Variants in PYROXD1 observed in about 807,000 individuals in gnomAD.
The protein encoded by PYROXD1 is pyridine nucleotide-disulphide oxidoreductase domain 1.
In PYROXD1, 42 loss-of-function variants were observed where a neutral mutation model predicts 62.0. The ratio of observed to expected loss-of-function variants is 0.68; its 90% confidence interval spans 0.53 to 0.88. The LOEUF (loss-of-function observed/expected upper bound fraction) is 0.88. Ranked by LOEUF, PYROXD1 falls within the 40% of genes least tolerant of loss-of-function variation. The pLI is 0.00. For synonymous variants in PYROXD1, 170 were observed against 206.4 expected, an observed-to-expected ratio of 0.82 and a Z score of 1.51; for missense variants, 493 against 604.8, an observed-to-expected ratio of 0.82 and a Z score of 1.94.
intron 2 of PYROXD1, among the ~76,000 whole-genome samples, chr12:21,444,425 A>G (rs187367157): frequency 4.1e-4 from 63 of 152,356 alleles, no homozygotes; most frequent in African/African-American, 1.4e-3. Flanking sequence ...AGGATGAGAT[A>G]TGAAGAGTGA....
At chr12:21,440,742 G>C (rs568542128) in intron 2 of PYROXD1, among the ~76,000 whole-genome samples, 15 of 152,194 alleles carry the variant, frequency 9.9e-5, no homozygotes, top group Admixed American at 5.2e-4. Context: ...TCCTTGTGTT[G>C]TTCTTGATCT....
chr12:21,465,463 A>G (rs1350383923), intron 10 of PYROXD1, among the ~76,000 whole-genome samples: 6 of 151,108 alleles, frequency 4.0e-5, no homozygotes, highest in East Asian at 1.9e-4. Context: ...CTGCATAAAT[A>G]TCTTCTTTTG....
intron 10 of PYROXD1, 28 bp from the exon 11 acceptor site, chr12:21,467,453 A>G: frequency 3.8e-6 from 6 of 1,572,570 alleles, no homozygotes; most frequent in Non-Finnish European, 5.2e-6. Context: ...GAAAAATGAC[A>G]TTGTGTAACA....
chr12:21,456,184 A>G, intron 7 of PYROXD1, 89 bp downstream of exon 7: 1 of 809,732 alleles, frequency 1.2e-6, no homozygotes, highest in Non-Finnish European at 2.0e-6. Flanking sequence ...ATATATAGTC[A>G]ACGAACTGTT....
rs1942850033 is a variant in PYROXD1 at position 21,468,660 on chromosome 12, C to T, written c.1409C>T (p.Thr470Ile). 2.5e-6 allele frequency: 4 copies of T among 1,612,466 alleles called. No homozygotes were observed. The highest frequency in any genetic ancestry group is 2.5e-6 in the Non-Finnish European group (3 of 1,179,168). ...VLIGETDLEE[T>I]FENLILNQMN... The stretch of plus-strand genomic sequence containing the variant: ...ATTGGTGAAACCGATTTAGAAGAAA[C>T]ATTTGAAAACCTAATCTTAAACCAA... The change falls in exon 12 of 12, where the codon ACA (threonine) becomes ATA (isoleucine). Residue 470 changes from threonine to isoleucine, a missense_variant. By Grantham distance (89) the Thr-to-Ile change is moderately conservative. Around this residue, in one of 2 missense-constraint regions of PYROXD1, gnomAD observed 329 missense variants for 446.6 expected, o/e 0.74. Coordinates refer to ENST00000240651, the MANE Select transcript of PYROXD1 (RefSeq NM_024854.5).
chr12:21,457,623 C>A (rs1942622015), intron 7 of PYROXD1, among the ~76,000 whole-genome samples: 1 of 151,950 alleles, frequency 6.6e-6, no homozygotes. Context: ...GGAAGCATGA[C>A]TGGGGAGGCC....
intron 10 of PYROXD1, among the ~76,000 whole-genome samples, chr12:21,466,895 CT>C (rs1408685722): frequency 1.3e-5 from 2 of 151,922 alleles, no homozygotes; most frequent in African/African-American, 4.8e-5. Context: ...AGGCCGTGTT[CT>C]TTTATACCAG....
Position 21,445,571 on chromosome 12 carries a change from T to TA in PYROXD1, c.285+107dup, listed in dbSNP as rs1333110415. The stretch of plus-strand genomic sequence containing the variant: ...CTACTACCACCACCATTTAAGTTTT[T>TA]AACATGTAAAGTTTAGTGACATTGA... On this transcript the variant is annotated intron_variant, in intron 3 of 11. Coordinates refer to ENST00000240651, the MANE Select transcript of PYROXD1 (RefSeq NM_024854.5). The TA allele has an allele frequency of 4.3e-6, 5 of 1,160,958 alleles. No homozygotes were observed. The African/African-American group carries it at 6.2e-5, about 15-fold the overall frequency. The allele number at this position is 1,160,958 out of a possible 1,614,324, so 71.9% of individuals were successfully genotyped here.
In PYROXD1 at chr12:21,450,939, A is replaced by C. The variant is rs78924426; in HGVS notation, c.415-1142A>C. Among the ~76,000 whole-genome samples the C allele has an allele frequency of 3.4e-4, 52 of 152,340 alleles. No homozygotes were observed. In the East Asian group the frequency reaches 8.9e-3, roughly 26 times the overall value. ...ATTAAGTATGTATCTATACTAATTT[A>C]GCTGTTAAGTCTATCAGATACACAA... On this transcript the variant is annotated intron_variant, in intron 4 of 11. Coordinates refer to ENST00000240651, the MANE Select transcript of PYROXD1 (RefSeq NM_024854.5).
At chr12:21,464,707 T>C (rs1942759208) in intron 10 of PYROXD1, among the ~76,000 whole-genome samples, 1 of 137,808 alleles carries the variant, frequency 7.3e-6, no homozygotes, top group Non-Finnish European at 1.5e-5. Context: ...AAATCCACTG[T>C]GACTCCCAAG....
At chr12:21,467,746 C>A in intron 11 of PYROXD1, 128 bp downstream of exon 11, 1 of 729,646 alleles carries the variant, frequency 1.4e-6, no homozygotes, top group Non-Finnish European at 2.2e-6. Flanking sequence ...TGACATTTTT[C>A]ATTTCTTACA....
Position 21,470,534 on chromosome 12 carries a change from G to A in PYROXD1, c.*1780G>A, listed in dbSNP as rs3983527. 2 of 959,584 alleles carry A rather than the reference G, an allele frequency of 2.1e-6. No individual in the cohort carries two copies. The highest frequency in any genetic ancestry group is 3.7e-5 in the Admixed American group (1 of 27,142). The allele number at this position is 959,584 out of a possible 1,614,324, so 59.4% of individuals were successfully genotyped here. On this transcript the variant is annotated 3_prime_UTR_variant, in exon 12 of 12. Coordinates refer to ENST00000240651, the MANE Select transcript of PYROXD1 (RefSeq NM_024854.5). ...CTCTATTTTGAATAAAAGGGGCTAC[G>A]TTGTGAGAGAAGTTCTAAAGACCTC...
Position 21,467,553 on chromosome 12 carries a change from G to T in PYROXD1, c.1189G>T (p.Asp397Tyr). 1.2e-6 allele frequency: 2 copies of T among 1,612,180 alleles called. No homozygotes were observed. The highest frequency in any genetic ancestry group is 1.7e-4 in the Middle Eastern group (1 of 5,986). Residue 397 changes from aspartate to tyrosine, a missense_variant, in exon 11 of 12, where the codon GAC becomes TAC. Transcript: ENST00000240651. ...AKCMAAASSGDSIDMDFSFEL... is the reference protein window; with the variant it reads ...AKCMAAASSGYSIDMDFSFEL... ...GTGCATGGCTGCAGCGAGTTCAGGAGACTCTATTGACATGGATTTCAGCTT... is the reference window on the plus strand; with the variant it reads ...GTGCATGGCTGCAGCGAGTTCAGGATACTCTATTGACATGGATTTCAGCTT...
At chr12:21,462,540 G>A (rs1315168415) in intron 9 of PYROXD1, among the ~76,000 whole-genome samples, 200 bp from the exon 10 acceptor site, 1 of 151,910 alleles carries the variant, frequency 6.6e-6, no homozygotes, top group Non-Finnish European at 1.5e-5. Context: ...TTGAAATTCT[G>A]ACAGTTTTAT....
intron 10 of PYROXD1, among the ~76,000 whole-genome samples, chr12:21,465,731 A>C (rs1247007349): frequency 1.3e-5 from 2 of 152,046 alleles, no homozygotes; most frequent in African/African-American, 4.8e-5. Flanking sequence ...TTAGACATGA[A>C]GTCCTTGCCC....
intron 3 of PYROXD1, chr12:21,448,080 C>A: frequency 1.6e-6 from 1 of 607,660 alleles, no homozygotes; most frequent in Non-Finnish European, 3.2e-6. Context: ...CTGAGCTGGG[C>A]CACTCAACAT....
intron 7 of PYROXD1, among the ~76,000 whole-genome samples, chr12:21,459,053 C>A (rs1344827609): frequency 6.6e-6 from 1 of 152,184 alleles, no homozygotes; most frequent in Non-Finnish European, 1.5e-5. Flanking sequence ...AGTTTTCTGG[C>A]ACACAACTCC....
In PYROXD1 at chr12:21,470,390, T is replaced by C; in HGVS notation, c.*1636T>C. On this transcript the variant is annotated 3_prime_UTR_variant, in exon 12 of 12. Coordinates refer to ENST00000240651, the MANE Select transcript of PYROXD1 (RefSeq NM_024854.5). ...AACAAAGCAAGCACCTTGGTAAAAA[T>C]CCAGCTATTCAGTTTTCTCATGAGA... The C allele has an allele frequency of 6.7e-7, 1 of 1,489,496 alleles. No homozygotes were observed. The highest frequency in any genetic ancestry group is 8.9e-7 in the Non-Finnish European group (1 of 1,123,106). The allele number at this position is 1,489,496 out of a possible 1,614,324, so 92.3% of individuals were successfully genotyped here.
rs368417341 is a variant in PYROXD1, at chr12:21,437,790, C to T, written c.60C>T (p.Ile20=). The T allele has an allele frequency of 6.2e-7, 1 of 1,612,854 alleles. No homozygotes were observed. Among genetic ancestry groups the T allele is most frequent in the Non-Finnish European group, 8.5e-7 (1 of 1,179,678 alleles). ...AGTTCGTGGTGGTCGGCGGCGGCATCGCGGGCGTCACTTGTGCGGAGCAGG... is the reference window on the plus strand; with the variant it reads ...AGTTCGTGGTGGTCGGCGGCGGCATTGCGGGCGTCACTTGTGCGGAGCAGG... The part of the protein sequence containing the change: ...AGKFVVVGGG[I]AGVTCAEQLA... The change falls in exon 1 of 12, where the codon ATC becomes ATT. Residue 20 remains isoleucine (I), a synonymous_variant. Coordinates refer to ENST00000240651, the MANE Select transcript of PYROXD1 (RefSeq NM_024854.5).
Sources: gnomAD v4.1 joint callset for allele counts (sites outside exome capture counted in the v4.1 genomes callset) on GRCh38, gnomAD v4.1.1 for gene constraint, gnomAD v4.1.1 regional missense constraint, MANE v1.5 for transcripts, NCBI Gene and HGNC (gene_info 2026-07-23, HGNC 2026-07-21) for gene names.